Variants in COL11A1 observed in about 807,000 individuals in gnomAD.
COL11A1 encodes the protein collagen alpha-1(XI) chain.
Under a neutral mutation model 265.2 loss-of-function variants are expected in COL11A1, and 74 were observed. The observed-to-expected ratio is 0.28, with a 90% CI of 0.23 to 0.34. The LOEUF is 0.34. Among genes scored for constraint, COL11A1 ranks in the 10% least tolerant of loss-of-function variants. The pLI is 1.00. For synonymous variants in COL11A1, 816 were observed against 727.6 expected (o/e 1.12, Z -1.96); for missense variants, 2,165 against 2,263.6 (o/e 0.96, Z 0.88).
At chr1:103,035,943 T>C (rs10493991) in intron 4 of COL11A1, among the ~76,000 whole-genome samples, 5,846 of 151,844 alleles carry the variant, frequency 0.038, 126 homozygotes, top group Middle Eastern at 0.1. Context: ...TTTCTCAAAT[T>C]CCAACTGAAC....
chr1:102,990,704 T>C (rs1664044693), intron 28 of COL11A1, among the ~76,000 whole-genome samples: 1 of 151,242 alleles, frequency 6.6e-6, no homozygotes, highest in Admixed American at 6.6e-5. Context: ...TTCAAAGTGC[T>C]GCGGAGTATT....
Position 102,898,791 on chromosome 1 carries a change from A to G in COL11A1, c.4141-18T>C. ...GCTTCCCCCTGTTAGAAAGTAAAAT[A>G]TGGGAGCACATTAGTGATGAGAAAA... On this transcript the variant is annotated intron_variant, in intron 55 of 66. Transcript: ENST00000370096. 6.3e-7 allele frequency: 1 copy of G among 1,598,554 alleles called. No homozygotes were observed. The highest frequency in any genetic ancestry group is 1.3e-5 in the African/African-American group (1 of 74,364).
chr1:102,964,493 G>C (rs181753295), intron 38 of COL11A1, among the ~76,000 whole-genome samples: 2 of 152,150 alleles, frequency 1.3e-5, no homozygotes, highest in Admixed American at 1.3e-4. Context: ...GTTAACCTCT[G>C]AAATAAAATA....
chr1:103,074,793 A>G lies in COL11A1; in HGVS notation c.489-13T>C, dbSNP rs747228528. On this transcript the variant is annotated splice_polypyrimidine_tract_variant and intron_variant, in intron 3 of 66. Coordinates refer to ENST00000370096, the MANE Select transcript of COL11A1 (RefSeq NM_001854.4). ...TACCCGATGCCACCTAAAAAAGACA[A>G]GTAATTCTTTTGTAAGCTTCAAAGA... is the stretch of plus-strand genomic sequence containing the variant. The G allele has an allele frequency of 6.2e-7, 1 of 1,612,740 alleles. No individual in the cohort carries two copies. Among genetic ancestry groups the G allele is most frequent in the Admixed American group, 1.7e-5 (1 of 59,840 alleles).
chr1:102,927,414 T>TA (rs911236464), intron 46 of COL11A1, among the ~76,000 whole-genome samples: 7 of 151,732 alleles, frequency 4.6e-5, no homozygotes, highest in East Asian at 3.9e-4. Flanking sequence ...AAGCGGAAGG[T>TA]AAAAAAACAA....
At chr1:103,043,349 A>G (rs1430429896) in intron 4 of COL11A1, among the ~76,000 whole-genome samples, 4 of 151,588 alleles carry the variant, frequency 2.6e-5, no homozygotes, top group Non-Finnish European at 5.9e-5. Context: ...AAGGTATAGC[A>G]TCTCTACAAG....
chr1:103,004,397 C>A (rs1322238520), intron 20 of COL11A1, 47 bp downstream of exon 20: 3 of 1,414,548 alleles, frequency 2.1e-6, no homozygotes, highest in South Asian at 1.2e-5. Flanking sequence ...AGTCACTAGT[C>A]CTAAAAACTA....
chr1:103,054,688 G>A (rs1670099326), intron 4 of COL11A1, among the ~76,000 whole-genome samples: 1 of 152,222 alleles, frequency 6.6e-6, no homozygotes, highest in South Asian at 2.1e-4. Context: ...GATTGCCTGA[G>A]GTCGGGAGTT....
chr1:103,025,795 G>A (rs529278703), intron 6 of COL11A1, 182 bp from the exon 7 acceptor site: 20 of 1,612,518 alleles, frequency 1.2e-5, no homozygotes, highest in South Asian at 3.3e-5. Flanking sequence ...CTTTTTCTTC[G>A]CTACCTTTAC....
intron 4 of COL11A1, 83 bp from the exon 5 acceptor site, chr1:103,031,327 G>C: frequency 1.4e-6 from 2 of 1,471,292 alleles, no homozygotes; most frequent in Non-Finnish European, 1.8e-6. Context: ...GCGAGATGTG[G>C]TTTATTTTTA....
rs77279861 is a variant in COL11A1, at chr1:103,060,141, G to A, written c.651+14477C>T. Among the ~76,000 whole-genome samples, 125 of 152,096 alleles carry A rather than the reference G, an allele frequency of 8.2e-4. No individual in the cohort carries two copies. In the East Asian group the frequency reaches 0.023, roughly 28 times the overall value. On this transcript the variant is annotated intron_variant, in intron 4 of 66. Transcript: ENST00000370096. ...AAAAAACCAACTTACCTATACAAGC[G>A]AAGATAAGAATTACATCTGACTTAT...
At chr1:103,031,712 T>C (rs952517963) in intron 4 of COL11A1, among the ~76,000 whole-genome samples, 30 of 151,994 alleles carry the variant, frequency 2.0e-4, no homozygotes, top group Admixed American at 9.2e-4. Flanking sequence ...AGAGTAAATA[T>C]ATAGATCCAA....
chr1:102,937,806 T>A (rs74862204), intron 44 of COL11A1, among the ~76,000 whole-genome samples: 4,533 of 152,238 alleles, frequency 0.03, 256 homozygotes, highest in African/African-American at 0.1. Context: ...ATTTTCCTTA[T>A]AAATTATCCA....
At chr1:103,067,286 C>A (rs1003981929) in intron 4 of COL11A1, among the ~76,000 whole-genome samples, 5 of 151,766 alleles carry the variant, frequency 3.3e-5, no homozygotes, top group African/African-American at 9.7e-5. Context: ...TGAGATCATA[C>A]CAAATTTATT....
rs112800509 is a variant in COL11A1 at position 103,023,370 on chromosome 1, C to CTTTTTTT, written c.991-381_991-375dup. Among the ~76,000 whole-genome samples, 621 of 142,982 alleles carry CTTTTTTT rather than the reference C, an allele frequency of 4.3e-3. 3 individuals are homozygous for CTTTTTTT. Among genetic ancestry groups the CTTTTTTT allele is most frequent in the African/African-American group, 7.7e-3 (302 of 39,248 alleles). The allele number at this position is 142,982 out of a possible 152,430, so 93.8% of individuals were successfully genotyped here. ...AGCTTTGCTTAATGTTTTTTTCTTTCTTTTTTTTTTTTGAGATGGATGGAG... is the reference window on the plus strand; with the variant it reads ...AGCTTTGCTTAATGTTTTTTTCTTTCTTTTTTTTTTTTTTTTTTTGAGATGGATGGAG... On this transcript the variant is annotated intron_variant, in intron 7 of 66. Transcript: ENST00000370096.
intron 38 of COL11A1, among the ~76,000 whole-genome samples, chr1:102,963,732 T>C (rs1661138695): frequency 6.6e-6 from 1 of 152,174 alleles, no homozygotes; most frequent in Admixed American, 6.5e-5. Context: ...ATTATACAAT[T>C]GCTGTAATTT....
intron 35 of COL11A1, among the ~76,000 whole-genome samples, chr1:102,976,530 C>T (rs923185759): frequency 1.6e-4 from 24 of 151,962 alleles, no homozygotes; most frequent in Non-Finnish European, 2.9e-4. Context: ...AACTCCTGAC[C>T]TCAGGTAATC....
intron 4 of COL11A1, among the ~76,000 whole-genome samples, chr1:103,061,694 TTTTC>T (rs1435191051): frequency 6.6e-6 from 1 of 151,924 alleles, no homozygotes; most frequent in Non-Finnish European, 1.5e-5. Flanking sequence ...AAAATATAAC[TTTTC>T]TTTGAGGGAA....
At chr1:102,954,674 G>A (rs1660194901) in intron 41 of COL11A1, among the ~76,000 whole-genome samples, 1 of 152,094 alleles carries the variant, frequency 6.6e-6, no homozygotes, top group Middle Eastern at 3.4e-3. Flanking sequence ...GTGAAACCCC[G>A]TTTCTACGAA....
Sources: allele counts gnomAD v4.1 joint callset (sites outside exome capture counted in the v4.1 genomes callset), GRCh38; gene constraint gnomAD v4.1.1; transcripts MANE v1.5; gene names NCBI Gene and HGNC (gene_info 2026-07-23, HGNC 2026-07-21).